Variants in IL32 observed in about 807,000 individuals in gnomAD.
The protein encoded by IL32 is interleukin-32.
Under a neutral mutation model 16.6 loss-of-function variants are expected in IL32, and 30 were observed. The ratio of observed to expected loss-of-function variants is 1.81; its 90% CI spans 1.35 to 2.45. The LOEUF (loss-of-function observed/expected upper bound fraction) is 2.45, where lower values mean the gene tolerates loss of function less well. IL32 is among the 30% of genes most tolerant of loss of function. IL32 has a pLI of 0.00. For missense variants in IL32, 234 were observed against 229.8 expected (o/e 1.02, Z -0.12); for synonymous variants, 70 against 86.1 (o/e 0.81, Z 1.03).
At chr16:3,067,297 G>GTGTC in intron 2 of IL32, 80 bp from the exon 3 acceptor site, 1 of 705,488 alleles carries the variant, frequency 1.4e-6, no homozygotes. Flanking sequence ...GTGTGTGTGT[G>GTGTC]TGTGTGTGTG....
chr16:3,066,155 T>C (rs1267258946), intron 2 of IL32, among the ~76,000 whole-genome samples: 11 of 152,094 alleles, frequency 7.2e-5, no homozygotes, highest in African/African-American at 1.7e-4. Flanking sequence ...CTCAGCTGGG[T>C]GGGCCCAAGA....
chr16:3,065,717 A>G (rs748360165), intron 1 of IL32, 30 bp downstream of exon 1: 41 of 1,441,988 alleles, frequency 2.8e-5, no homozygotes, highest in Non-Finnish European at 3.9e-5. Context: ...GAAGGTGAGG[A>G]CCCTCTGGGG....
In IL32 at chr16:3,068,240, G is replaced by C. The variant is rs145570593; in HGVS notation, c.201+1G>C. On this transcript the variant is annotated splice_donor_variant, in intron 6 of 6. Transcript: ENST00000525643. LOFTEE classifies it high-confidence loss of function. ...GGCTTATTATGAGGAGCAGCACCCA[G>C]TGAGTATGACACACCCATCTGGGCA... 3 of 1,592,340 alleles carry C rather than the reference G, an allele frequency of 1.9e-6. No individual in the cohort carries two copies. The highest frequency in any genetic ancestry group is 1.8e-5 in the Admixed American group (1 of 56,580).
intron 5 of IL32, 54 bp from the exon 6 acceptor site, chr16:3,068,126 T>G: frequency 3.7e-6 from 6 of 1,603,782 alleles, no homozygotes; most frequent in African/African-American, 1.3e-5. Flanking sequence ...GGGGCCACAG[T>G]GGGAAGGGGG....
intron 6 of IL32, chr16:3,068,657 C>G: frequency 2.3e-6 from 1 of 431,440 alleles, no homozygotes; most frequent in Non-Finnish European, 4.3e-6. Flanking sequence ...GTGCCCAGCC[C>G]CTGAGCTTGG....
intron 6 of IL32, chr16:3,068,490 T>C: frequency 1.9e-6 from 1 of 514,720 alleles, no homozygotes; most frequent in Non-Finnish European, 3.5e-6. Flanking sequence ...TGTGTGTGTT[T>C]TTAGTAGAGA....
intron 2 of IL32, among the ~76,000 whole-genome samples, chr16:3,066,769 C>T (rs1402268464): frequency 1.3e-5 from 2 of 152,190 alleles, no homozygotes; most frequent in African/African-American, 4.8e-5. Context: ...TTGTCATGTC[C>T]CTAAACATTT....
rs749333838 is a variant in IL32, at chr16:3,069,340, C to A, written c.552C>A (p.Pro184=). Residue 184 remains proline, a synonymous_variant, in exon 7 of 7, where the codon CCC becomes CCA. Coordinates refer to ENST00000525643, the MANE Select transcript of IL32 (RefSeq NM_001376923.1). The stretch of plus-strand genomic sequence containing the variant: ...TGACACCCCAGAAGTGCTCTGAACC[C>A]CAATCCTCAAAATGAAGATACTGAC... ...EELTPQKCSE[P]QSSK 8.2e-6 allele frequency: 13 copies of A among 1,594,790 alleles called. No individual in the cohort carries two copies. The East Asian group carries it at 2.9e-4, about 36-fold the overall frequency.
chr16:3,068,601 G>C (rs184715349), intron 6 of IL32: 4 of 407,626 alleles, frequency 9.8e-6, no homozygotes, highest in African/African-American at 6.1e-5. Flanking sequence ...ATGAGCCACC[G>C]GGCCCAGCCA....
chr16:3,065,746 G>C, intron 1 of IL32, 38 bp from the exon 2 acceptor site: 1 of 1,607,274 alleles, frequency 6.2e-7, no homozygotes, highest in Non-Finnish European at 8.5e-7. Context: ...GCTTCTCTGA[G>C]ACACTTTCTT....
intron 2 of IL32, among the ~76,000 whole-genome samples, chr16:3,066,259 C>T (rs978983361): frequency 1.3e-5 from 2 of 152,176 alleles, no homozygotes; most frequent in African/African-American, 2.4e-5. Flanking sequence ...AAATGCTAGG[C>T]CCACCACACC....
chr16:3,069,452 C>T lies in IL32; in HGVS notation c.*97C>T. ...CCCCGCCCTCTCCCGCACACTCAGTCCCCCTGCCTGGCGTTCCTGCCGCAG... is the reference window on the plus strand; with the variant it reads ...CCCCGCCCTCTCCCGCACACTCAGTTCCCCTGCCTGGCGTTCCTGCCGCAG... On this transcript the variant is annotated 3_prime_UTR_variant, in exon 7 of 7. Coordinates refer to ENST00000525643, the MANE Select transcript of IL32 (RefSeq NM_001376923.1). 1 of 1,401,274 alleles carries T rather than the reference C, an allele frequency of 7.1e-7. No homozygotes were observed. The highest frequency in any genetic ancestry group is 9.7e-7 in the Non-Finnish European group (1 of 1,034,654). The allele number at this position is 1,401,274 out of a possible 1,614,324, so 86.8% of individuals were successfully genotyped here. A position where few individuals can be genotyped will look rare whatever the true frequency, so the allele number is the denominator to read the frequency against.
rs931479975 is a variant in IL32, at chr16:3,069,122, T to C, written c.334T>C (p.Phe112Leu). 6 of 1,611,546 alleles carry C rather than the reference T, an allele frequency of 3.7e-6. No individual in the cohort carries two copies. Among genetic ancestry groups the C allele is most frequent in the Non-Finnish European group, 5.1e-6 (6 of 1,178,948 alleles). The change falls in exon 7 of 7, where the codon TTC (phenylalanine) becomes CTC (leucine). Residue 112 changes from phenylalanine (F) to leucine (L), a missense_variant. By Grantham distance (22) the Phe-to-Leu change is conservative. Transcript: ENST00000525643. ...CTTTTGTGACAAGGTCATGAGATGG[T>C]TCCAGGCCATGCTGCAGCGGCTGCA... is the stretch of plus-strand genomic sequence containing the variant. ...ESFCDKVMRW[F>L]QAMLQRLQTW...
intron 2 of IL32, 51 bp from the exon 3 acceptor site, chr16:3,067,326 G>A: frequency 1.1e-6 from 1 of 950,410 alleles, no homozygotes; most frequent in Non-Finnish European, 1.6e-6. Context: ...TTATCCTGGA[G>A]GAAAGGTTAA....
intron 2 of IL32, among the ~76,000 whole-genome samples, chr16:3,066,559 C>G (rs79018933): frequency 2.0e-5 from 3 of 151,824 alleles, no homozygotes; most frequent in Non-Finnish European, 4.4e-5. Context: ...AGGCCCTTGA[C>G]GTGGGGGCTC....
At chr16:3,066,933 G>A (rs565554579) in intron 2 of IL32, among the ~76,000 whole-genome samples, 5 of 148,502 alleles carry the variant, frequency 3.4e-5, no homozygotes, top group Non-Finnish European at 7.4e-5. Flanking sequence ...CCCTGCTCTT[G>A]TGAGGAGGGG....
Position 3,069,205 on chromosome 16 carries a change from T to G in IL32, c.417T>G (p.His139Gln), listed in dbSNP as rs753414314. 3 of 1,614,084 alleles carry G rather than the reference T, an allele frequency of 1.9e-6. No individual in the cohort carries two copies. The highest frequency in any genetic ancestry group is 2.5e-6 in the Non-Finnish European group (3 of 1,180,030). ...AGGAGAAGGTGGTGGCCCTGGTCCA[T>G]GCAGTGCAGGCCCTCTGGAAACAGT... ...WVKEKVVALV[H>Q]AVQALWKQFQ... is the part of the protein sequence containing the mutation. Residue 139 changes from histidine (H) to glutamine (Q), a missense_variant, in exon 7 of 7, where the codon CAT becomes CAG. By Grantham distance (24) the His-to-Gln change is conservative. Transcript: ENST00000525643.
intron 6 of IL32, 91 bp downstream of exon 6, chr16:3,068,330 G>C (rs1956664942): frequency 8.1e-7 from 1 of 1,239,302 alleles, no homozygotes; most frequent in South Asian, 1.3e-5. Flanking sequence ...ATTTGAGACA[G>C]AGTCTCGCTC....
chr16:3,067,271 C>CTGTGTGTGTGTGTGTCTCTG (rs1956458903), intron 2 of IL32, 106 bp from the exon 3 acceptor site: 2 of 603,558 alleles, frequency 3.3e-6, no homozygotes, highest in Non-Finnish European at 5.8e-6. Context: ...CCATGTGTCT[C>CTGTGTGTGTGTGTGTCTCTG]TGTGTGTGTG....
Sources: gnomAD v4.1 joint callset for allele counts (sites outside exome capture counted in the v4.1 genomes callset) on GRCh38, gnomAD v4.1.1 for gene constraint, MANE v1.5 for transcripts, NCBI Gene and HGNC (gene_info 2026-07-23, HGNC 2026-07-21) for gene names.